SIGLEC1: variants seen among roughly 807,000 people sequenced by gnomAD.
SIGLEC1 encodes the protein sialic acid binding Ig like lectin 1.
SIGLEC1 carries 132 observed loss-of-function variants against 148.0 expected under a neutral mutation model. The ratio of observed to expected loss-of-function variants is 0.89; its 90% CI spans 0.77 to 1.03. SIGLEC1 has a LOEUF of 1.03. Among genes scored for constraint, SIGLEC1 ranks in the 50% least tolerant of loss-of-function variants. The pLI, the probability that SIGLEC1 is intolerant of heterozygous loss-of-function variation, is 0.00. For synonymous variants in SIGLEC1, 945 were observed against 969.0 expected (o/e 0.98, Z 0.46); for missense variants, 2,253 against 2,271.4 (o/e 0.99, Z 0.16).
rs1399268786 is a variant in SIGLEC1 at position 3,690,197 on chromosome 20, A to G, written c.4659T>C (p.Asp1553=). The change falls in exon 19 of 22, where the codon GAT becomes GAC. Residue 1553 remains aspartate, a synonymous_variant. Transcript: ENST00000344754. ...CGAGCGGCTCGCTGTCCACTCGGCAATCCAGGATGCCCCGGAGGCCACCCT... is the reference window on the plus strand; with the variant it reads ...CGAGCGGCTCGCTGTCCACTCGGCAGTCCAGGATGCCCCGGAGGCCACCCT... The part of the protein sequence containing the change: ...EPEGGLRGIL[D]CRVDSEPLAS... 6.4e-7 allele frequency: 1 copy of G among 1,563,216 alleles called. No homozygotes were observed. The highest frequency in any genetic ancestry group is 8.7e-7 in the Non-Finnish European group (1 of 1,154,656).
At chr20:3,703,645 C>G (rs963950968) in intron 5 of SIGLEC1, among the ~76,000 whole-genome samples, 180 bp downstream of exon 5, 2 of 152,212 alleles carry the variant, frequency 1.3e-5, no homozygotes, top group African/African-American at 4.8e-5. Context: ...GACACCCCAC[C>G]CTTCGTGGGG....
chr20:3,694,593 C>G (rs2088803696), intron 12 of SIGLEC1, 61 bp from the exon 13 acceptor site: 1 of 1,565,102 alleles, frequency 6.4e-7, no homozygotes, highest in Non-Finnish European at 8.7e-7. Context: ...AGGGCTCTGT[C>G]ATGTGACACA....
chr20:3,692,887 G>T lies in SIGLEC1; in HGVS notation c.3753C>A (p.Asn1251Lys). Residue 1251 changes from asparagine to lysine, a missense_variant, in exon 15 of 22, where the codon AAC becomes AAA. By Grantham distance (94) the Asn-to-Lys change is moderately conservative. Transcript: ENST00000344754. ...CCTCCAGCCGCAGCTCCAGGGACGT[G>T]TTGGCCTGGCCCAGAGGGCTGCGGG... ...CSARSPLGQA[N>K]TSLELRLEGV... 1 of 1,611,384 alleles carries T rather than the reference G, an allele frequency of 6.2e-7. No individual in the cohort carries two copies. Among genetic ancestry groups the T allele is most frequent in the South Asian group, 1.1e-5 (1 of 91,000 alleles).
Position 3,697,801 on chromosome 20 carries a change from G to C in SIGLEC1, c.2119C>G (p.Gln707Glu). 1 of 1,612,542 alleles carries C rather than the reference G, an allele frequency of 6.2e-7. No individual in the cohort carries two copies. Among genetic ancestry groups the C allele is most frequent in the Non-Finnish European group, 8.5e-7 (1 of 1,179,794 alleles). ...NASTSATFNG[Q>E]ATVLAIAPSH... The stretch of plus-strand genomic sequence containing the variant: ...ACCCATTCCCTGCCTGACTCACCCT[G>C]GCCATTGAAGGTGGCTGAGGTGGAG... The change falls in exon 9 of 22, where the codon CAG (glutamine) becomes GAG (glutamate). Residue 707 changes from glutamine (Q) to glutamate (E), a missense_variant. Gln to Glu is a conservative substitution (Grantham distance 29, BLOSUM62 2). Transcript: ENST00000344754.
chr20:3,693,556 G>A lies in SIGLEC1; in HGVS notation c.3399C>T (p.Ser1133=), dbSNP rs748348424. Residue 1133 remains serine, a synonymous_variant, in exon 14 of 22, where the codon TCC becomes TCT. Coordinates refer to ENST00000344754, the MANE Select transcript of SIGLEC1 (RefSeq NM_023068.4). The part of the protein sequence containing the change: ...QDGQQRLDAH[S]IPLPNVTVRD... Reference sequence around the variant, plus strand: ...TGACTGTGACGTTGGGCAGGGGGATGGAGTGGGCATCCAGGCGCTGCTGCC... The same window carrying A: ...TGACTGTGACGTTGGGCAGGGGGATAGAGTGGGCATCCAGGCGCTGCTGCC... The A allele has an allele frequency of 7.1e-5, 114 of 1,612,634 alleles. No individual in the cohort carries two copies. The highest frequency in any genetic ancestry group is 7.9e-5 in the Non-Finnish European group (93 of 1,179,624).
Position 3,701,265 on chromosome 20 carries a change from C to T in SIGLEC1, c.1528+77G>A. 2.9e-6 allele frequency: 4 copies of T among 1,364,920 alleles called. 1 individual carries two copies. The highest frequency in any genetic ancestry group is 4.0e-6 in the Non-Finnish European group (4 of 1,003,130). 84.6% of individuals were successfully genotyped at this position (1,364,920 alleles called of 1,614,324 possible). A position where few individuals can be genotyped will look rare whatever the true frequency, so the allele number is the denominator to read the frequency against. On this transcript the variant is annotated intron_variant, in intron 7 of 21. Transcript: ENST00000344754. ...CAGTCCTGCGGTTGAGTCCACTAGA[C>T]TTCTAGAAGGAACAGACTGGAGCAG...
At chr20:3,698,236 G>A (rs1404493623) in intron 8 of SIGLEC1, 103 bp from the exon 9 acceptor site, 2 of 1,043,098 alleles carry the variant, frequency 1.9e-6, no homozygotes, top group Non-Finnish European at 2.7e-6. Context: ...GATCCCGAAG[G>A]CTGCCCCAAG....
At position 3,706,424 on chromosome 20, in the gene SIGLEC1, C is replaced by A; in HGVS notation, c.332G>T (p.Gly111Val). 1.2e-6 allele frequency: 2 copies of A among 1,614,188 alleles called. No individual in the cohort carries two copies. Among genetic ancestry groups the A allele is most frequent in the Non-Finnish European group, 1.7e-6 (2 of 1,180,036 alleles). ...GATCTCGAAGCGGAAGTTGTAGGAA[C>A]CAGAGTCCTCGGGCTGCAGGTCCTT... ...LLKDLQPEDS[G>V]SYNFRFEISE... Residue 111 changes from glycine to valine, a missense_variant, in exon 3 of 22, where the codon GGT becomes GTT. Gly to Val is a moderately radical substitution (Grantham distance 109, BLOSUM62 -3). Coordinates refer to ENST00000344754, the MANE Select transcript of SIGLEC1 (RefSeq NM_023068.4).
At chr20:3,692,292 C>T (rs2088772848) in intron 16 of SIGLEC1, 90 bp from the exon 17 acceptor site, 1 of 1,356,338 alleles carries the variant, frequency 7.4e-7, no homozygotes, top group Non-Finnish European at 9.9e-7. Context: ...AGGCTGAGGC[C>T]TCTGGACCAA....
chr20:3,696,823 T>A lies in SIGLEC1; in HGVS notation c.2446A>T (p.Ile816Phe). The A allele has an allele frequency of 6.2e-7, 1 of 1,601,944 alleles. No homozygotes were observed. The highest frequency in any genetic ancestry group is 8.5e-7 in the Non-Finnish European group (1 of 1,173,278). Residue 816 changes from isoleucine (I) to phenylalanine (F), a missense_variant, in exon 11 of 22, where the codon ATC (isoleucine) becomes TTC (phenylalanine). By Grantham distance (21) the Ile-to-Phe change is conservative. Coordinates refer to ENST00000344754, the MANE Select transcript of SIGLEC1 (RefSeq NM_023068.4). ...DMGQGHMALF[I>F]CTVDSRPLAL... Reference sequence around the variant, plus strand: ...AGGGGGCGGCTGTCCACAGTGCAGATGAACAGAGCCATGTGGCCCTGGCCC... The same window carrying A: ...AGGGGGCGGCTGTCCACAGTGCAGAAGAACAGAGCCATGTGGCCCTGGCCC...
In SIGLEC1 at chr20:3,692,727, G is replaced by T; in HGVS notation, c.3824C>A (p.Ala1275Asp). The T allele has an allele frequency of 6.2e-7, 1 of 1,612,070 alleles. No individual in the cohort carries two copies. The highest frequency in any genetic ancestry group is 1.1e-5 in the South Asian group (1 of 91,074). The stretch of plus-strand genomic sequence containing the variant: ...GTCCGCACAGGTCACTGTGATGGGG[G>T]CACCTTCAGGCACGGCAGCCTCCGG... Reference protein sequence around the residue: ...LAPEAAVPEGAPITVTCADPA... With the variant: ...LAPEAAVPEGDPITVTCADPA... Residue 1275 changes from alanine (A) to aspartate (D), a missense_variant, in exon 16 of 22, where the codon GCC (alanine) becomes GAC (aspartate). By Grantham distance (126) the Ala-to-Asp change is moderately radical. Coordinates refer to ENST00000344754, the MANE Select transcript of SIGLEC1 (RefSeq NM_023068.4).
chr20:3,705,729 C>A lies in SIGLEC1; in HGVS notation c.706+15G>T. The A allele has an allele frequency of 1.3e-6, 2 of 1,594,172 alleles. No homozygotes were observed. Among genetic ancestry groups the A allele is most frequent in the South Asian group, 2.3e-5 (2 of 88,090 alleles). On this transcript the variant is annotated intron_variant, in intron 4 of 21. Coordinates refer to ENST00000344754, the MANE Select transcript of SIGLEC1 (RefSeq NM_023068.4). The stretch of plus-strand genomic sequence containing the variant: ...GATGCGCTCAGCCACAAGGGTGTGT[C>A]CCCAGACAACTCACACTTCACTTGG...
At chr20:3,698,173 C>T in intron 8 of SIGLEC1, 40 bp from the exon 9 acceptor site, 1 of 1,491,574 alleles carries the variant, frequency 6.7e-7, no homozygotes. Flanking sequence ...CCCACGGATG[C>T]TCCAGGGCCC....
Position 3,696,845 on chromosome 20 carries a change from G to GCC in SIGLEC1, c.2422_2423dup (p.Gln809AlafsTer52), listed in dbSNP as rs1252880313. The GCC allele has an allele frequency of 6.3e-7, 1 of 1,583,720 alleles. No individual in the cohort carries two copies. Among genetic ancestry groups the GCC allele is most frequent in the Non-Finnish European group, 8.6e-7 (1 of 1,163,994 alleles). ...AGATGAACAGAGCCATGTGGCCCTG[G>GCC]CCCATGTCTAGGAGGGCTGACAGCT... is the stretch of plus-strand genomic sequence containing the variant. On this transcript the variant is annotated frameshift_variant, in exon 11 of 22. Transcript: ENST00000344754. LOFTEE classifies it high-confidence loss of function.
chr20:3,708,904 G>A (rs1238061273), intron 1 of SIGLEC1, among the ~76,000 whole-genome samples: 1 of 151,704 alleles, frequency 6.6e-6, no homozygotes, highest in African/African-American at 2.4e-5. Flanking sequence ...AATTAGCTGG[G>A]TGTGGTGGTG....
In SIGLEC1 at chr20:3,697,328, T is replaced by C. The variant is rs898291132; in HGVS notation, c.2137A>G (p.Ile713Val). The change falls in exon 10 of 22, where the codon ATT becomes GTT. Residue 713 changes from isoleucine (I) to valine (V), a missense_variant. Coordinates refer to ENST00000344754, the MANE Select transcript of SIGLEC1 (RefSeq NM_023068.4). ...TFNGQATVLA[I>V]APSHTLQEGT... ...TCCTGAAGTGTGTGTGATGGTGCAA[T>C]GGCCAGGACAGTGGCTGGAGAGCAG... 1.2e-5 allele frequency: 19 copies of C among 1,613,684 alleles called. No individual in the cohort carries two copies. In the African/African-American group the frequency reaches 1.7e-4, roughly 15 times the overall value.
rs2088774809 is a variant in SIGLEC1, at chr20:3,692,538, G to C, written c.4013C>G (p.Ala1338Gly). 6.3e-7 allele frequency: 1 copy of C among 1,598,272 alleles called. No homozygotes were observed. The highest frequency in any genetic ancestry group is 8.5e-7 in the Non-Finnish European group (1 of 1,176,562). The change falls in exon 16 of 22, where the codon GCT (alanine) becomes GGT (glycine). Residue 1338 changes from alanine to glycine, a missense_variant. Physicochemically the swap from Ala to Gly is moderately conservative, Grantham distance 60. Transcript: ENST00000344754. ...DAQGTRSSRP[A>G]ALQVLYAPQD... ...CTGCTCACAGAGGACTTGCAGGGCAGCAGGACGGGAGCTGCGGGTGCCCTG... is the reference window on the plus strand; with the variant it reads ...CTGCTCACAGAGGACTTGCAGGGCACCAGGACGGGAGCTGCGGGTGCCCTG...
chr20:3,697,198 AG>A lies in SIGLEC1; in HGVS notation c.2266del (p.Leu756TrpfsTer4). On this transcript the variant is annotated frameshift_variant, in exon 10 of 22. Coordinates refer to ENST00000344754, the MANE Select transcript of SIGLEC1 (RefSeq NM_023068.4). LOFTEE classifies it high-confidence loss of function. ...RNGVLWAQGPLETVTLLPVAR... is the reference protein window; with the variant it reads ...RNGVLWAQGPXETVTLLPVAR... ...CACGGGCAGCAGTGTCACGGTCTCC[AG>A]GGGACCCTGGGCCCACAGCACCCCA... The A allele has an allele frequency of 6.2e-7, 1 of 1,613,924 alleles. No homozygotes were observed. Among genetic ancestry groups the A allele is most frequent in the Non-Finnish European group, 8.5e-7 (1 of 1,180,034 alleles).
rs909695284 is a variant in SIGLEC1, at chr20:3,710,136, G to A, written c.-110+2334C>T. On this transcript the variant is annotated intron_variant, in intron 1 of 21. Coordinates refer to ENST00000344754, the MANE Select transcript of SIGLEC1 (RefSeq NM_023068.4). This position sits in a 1 kb window ranked among gnomAD's most constrained non-coding sequence, Gnocchi z 4.6. ...TAAATGCTGACTTGGCCAAGTGAAC[G>A]AGGAGGCTGGAAGTGGGGACAGGAA... 2.0e-5 allele frequency among the ~76,000 whole-genome samples: 3 copies of A among 152,160 alleles called. No individual in the cohort carries two copies. The highest frequency in any genetic ancestry group is 2.9e-5 in the Non-Finnish European group (2 of 68,032).
Sources: allele counts gnomAD v4.1 joint callset (sites outside exome capture counted in the v4.1 genomes callset), GRCh38; gene constraint gnomAD v4.1.1; non-coding constraint Gnocchi (gnomAD v3.1); transcripts MANE v1.5; gene names NCBI Gene and HGNC (gene_info 2026-07-23, HGNC 2026-07-21).